Variants in VIT observed in about 807,000 individuals in gnomAD.
VIT encodes vitrin.
In VIT, 99 loss-of-function variants were observed where a neutral mutation model predicts 78.0. The observed-to-expected ratio is 1.27, with a 90% confidence interval of 1.08 to 1.50. The LOEUF is 1.50. Among genes scored for constraint, VIT ranks in the 40% most tolerant of loss-of-function variants. The probability of loss-of-function intolerance (pLI) is 0.00; values close to 1 mark genes in which losing one functional copy is unlikely to be tolerated. For missense variants in VIT, 1,126 were observed against 875.3 expected, an observed-to-expected ratio of 1.29 and a Z score of -3.61; for synonymous variants, 374 against 334.3, an observed-to-expected ratio of 1.12 and a Z score of -1.29.
intron 12 of VIT, 79 bp from the exon 13 acceptor site, chr2:36,801,222 A>T: frequency 7.7e-7 from 1 of 1,296,458 alleles, no homozygotes; most frequent in Non-Finnish European, 1.1e-6. Context: ...TGTATATAAA[A>T]GAATCAACCA....
chr2:36,795,605 G>C (rs938792157), intron 12 of VIT, among the ~76,000 whole-genome samples: 2 of 151,834 alleles, frequency 1.3e-5, no homozygotes, highest in African/African-American at 4.8e-5. Context: ...AGTGGAGACT[G>C]GGTTTCATCA....
chr2:36,783,174 T>C (rs1664872816), intron 10 of VIT, among the ~76,000 whole-genome samples, 166 bp from the exon 11 acceptor site: 1 of 152,168 alleles, frequency 6.6e-6, no homozygotes, highest in Non-Finnish European at 1.5e-5. Context: ...AAGTAAATAT[T>C]AATTTATTAT....
rs184975927 is a variant in VIT at position 36,735,557 on chromosome 2, G to C, written c.118+6066G>C. 6.6e-5 allele frequency among the ~76,000 whole-genome samples: 10 copies of C among 152,346 alleles called. No homozygotes were observed. In the East Asian group the frequency reaches 1.9e-3, roughly 29 times the overall value. The stretch of plus-strand genomic sequence containing the variant: ...AGTGTCCAAGTCCATGTTATCTCTA[G>C]AAGGTGGGTAACCCCACTGTTTCCT... On this transcript the variant is annotated intron_variant, in intron 3 of 15. Transcript: ENST00000379242.
intron 5 of VIT, 24 bp downstream of exon 5, chr2:36,755,078 G>A (rs375446687): frequency 1.6e-5 from 26 of 1,603,988 alleles, no homozygotes; most frequent in Middle Eastern, 1.7e-4. Flanking sequence ...CTGGAGAAAC[G>A]CTGCTAAACC....
Position 36,716,337 on chromosome 2 carries a change from G to C in VIT, c.-18-16G>C, listed in dbSNP as rs1020340646. 2 of 1,608,834 alleles carry C rather than the reference G, an allele frequency of 1.2e-6. No individual in the cohort carries two copies. The highest frequency in any genetic ancestry group is 3.3e-5 in the Admixed American group (2 of 59,830). On this transcript the variant is annotated splice_polypyrimidine_tract_variant and intron_variant, in intron 1 of 15. Coordinates refer to ENST00000379242, the MANE Select transcript of VIT (RefSeq NM_053276.4). ...CCGGCTGAAATATGATGACGTTATT[G>C]TTTCTTTCTCTCCAGGGTGTCATTC...
At chr2:36,770,868 C>T (rs776649228) in intron 7 of VIT, among the ~76,000 whole-genome samples, 1 of 152,158 alleles carries the variant, frequency 6.6e-6, no homozygotes, top group Non-Finnish European at 1.5e-5. Context: ...CAAGGGTAGA[C>T]CAGGGAGGGG....
At position 36,814,368 on chromosome 2, in the gene VIT, A is replaced by G. The variant is rs1191614550; in HGVS notation, c.*7A>G. 1 of 1,613,722 alleles carries G rather than the reference A, an allele frequency of 6.2e-7. No homozygotes were observed. Among genetic ancestry groups the G allele is most frequent in the Non-Finnish European group, 8.5e-7 (1 of 1,179,730 alleles). ...CTCACAGCCTCGGAACTGAATTCAG[A>G]GCAGGCAGAGCACCAGCAAGTGCTG... On this transcript the variant is annotated 3_prime_UTR_variant, in exon 16 of 16. Transcript: ENST00000379242.
rs1020440245 is a variant in VIT at position 36,801,400 on chromosome 2, T to C, written c.1158T>C (p.Asn386=). Residue 386 remains asparagine, a synonymous_variant, in exon 13 of 16, where the codon AAT becomes AAC. Transcript: ENST00000379242. ...TTACTCAGAGAGGAGGACTTTCTAA[T>C]GTAGGTATGTGATCCGGATTCAAAT... ...EKITQRGGLS[N]VGRAISFVTK... 11 of 1,607,172 alleles carry C rather than the reference T, an allele frequency of 6.8e-6. No homozygotes were observed. The highest frequency in any genetic ancestry group is 1.7e-5 in the Admixed American group (1 of 60,004).
intron 15 of VIT, among the ~76,000 whole-genome samples, chr2:36,810,982 T>A (rs1667121546): frequency 1.3e-5 from 2 of 152,218 alleles, no homozygotes; most frequent in South Asian, 4.1e-4. Context: ...TTCTGAATGG[T>A]TGAAAGCTAC....
chr2:36,780,538 A>G (rs1161534343), intron 9 of VIT, among the ~76,000 whole-genome samples: 1 of 152,220 alleles, frequency 6.6e-6, no homozygotes, highest in East Asian at 1.9e-4. Flanking sequence ...TTACTTACAA[A>G]GAAATTAAGG....
chr2:36,769,994 A>C (rs1012335957), intron 7 of VIT, among the ~76,000 whole-genome samples: 1 of 152,240 alleles, frequency 6.6e-6, no homozygotes. Context: ...TGAAAATTGG[A>C]AAGCAAATCT....
At chr2:36,755,975 G>A (rs867371807) in intron 5 of VIT, among the ~76,000 whole-genome samples, 1 of 14,158 alleles carries the variant, frequency 7.1e-5, no homozygotes, top group African/African-American at 2.5e-4. Context: ...TTTTTTTTTT[G>A]AGACGGAGTT....
intron 4 of VIT, among the ~76,000 whole-genome samples, chr2:36,747,597 G>A (rs1668214652): frequency 6.6e-6 from 1 of 151,714 alleles, no homozygotes; most frequent in African/African-American, 2.4e-5. Context: ...TAAGAATAGT[G>A]ACCTCTGTAG....
chr2:36,702,277 A>C (rs4670591), intron 1 of VIT, among the ~76,000 whole-genome samples: 53,591 of 151,874 alleles, frequency 0.35, 10,105 homozygotes, highest in Middle Eastern at 0.51. Context: ...GCTTTGGACA[A>C]GCAGACACAG....
intron 12 of VIT, among the ~76,000 whole-genome samples, chr2:36,791,058 T>C (rs1665466021): frequency 6.6e-6 from 1 of 152,214 alleles, no homozygotes; most frequent in African/African-American, 2.4e-5. Context: ...AAATGGAACA[T>C]AATTGCACAC....
At chr2:36,731,531 A>C (rs1020664362) in intron 3 of VIT, among the ~76,000 whole-genome samples, 4 of 152,184 alleles carry the variant, frequency 2.6e-5, no homozygotes, top group African/African-American at 4.8e-5. Context: ...CCTTGGCCTC[A>C]CAAAGTGCTG....
rs1669481366 is a variant in VIT at position 36,767,180 on chromosome 2, G to A, written c.574G>A (p.Val192Ile). 6.2e-7 allele frequency: 1 copy of A among 1,611,606 alleles called. No individual in the cohort carries two copies. Among genetic ancestry groups the A allele is most frequent in the Middle Eastern group, 1.7e-4 (1 of 6,058 alleles). The stretch of plus-strand genomic sequence containing the variant: ...TCTGATGCAGCTTCTGGCTGTCACT[G>A]TAGCTGTGGCCACCCCCACCACCTT... ...VTLMQLLAVT[V>I]AVATPTTLPR... Residue 192 changes from valine to isoleucine, a missense_variant, in exon 7 of 16, where the codon GTA (valine) becomes ATA (isoleucine). Physicochemically the swap from Val to Ile is conservative, Grantham distance 29. Coordinates refer to ENST00000379242, the MANE Select transcript of VIT (RefSeq NM_053276.4).
At chr2:36,813,356 C>T (rs1236478693) in intron 15 of VIT, among the ~76,000 whole-genome samples, 2 of 152,072 alleles carry the variant, frequency 1.3e-5, no homozygotes, top group East Asian at 3.9e-4. Context: ...GGCTGAGGCA[C>T]AAAAATCTCT....
rs375040982 is a variant in VIT, at chr2:36,810,241, G to A, written c.1903+1256G>A. ...CAGAGGTGGAGTTTGCTGGTGAGCCGAGATCGTGCCATTGCACTCCAGCCT... is the reference window on the plus strand; with the variant it reads ...CAGAGGTGGAGTTTGCTGGTGAGCCAAGATCGTGCCATTGCACTCCAGCCT... On this transcript the variant is annotated intron_variant, in intron 15 of 15. Transcript: ENST00000379242. Among the ~76,000 whole-genome samples the A allele has an allele frequency of 5.3e-5, 8 of 150,172 alleles. No homozygotes were observed. In the South Asian group the frequency reaches 6.3e-4, roughly 12 times the overall value.
Sources: allele counts gnomAD v4.1 joint callset (sites outside exome capture counted in the v4.1 genomes callset), GRCh38; gene constraint gnomAD v4.1.1; transcripts MANE v1.5; gene names NCBI Gene and HGNC (gene_info 2026-07-23, HGNC 2026-07-21).